The following UGT1A10 variants were observed in gnomAD, a reference collection of about 807,000 sequenced individuals.
UGT1A10 encodes UDP-glucuronosyltransferase 1A10.
Under a neutral mutation model 45.8 loss-of-function variants are expected in UGT1A10, and 49 were observed. That is an observed-to-expected ratio of 1.07 (90% confidence interval 0.85 to 1.36). The LOEUF is 1.36. UGT1A10 is among the 40% of genes most tolerant of loss of function. UGT1A10 has a pLI of 0.00. For missense variants in UGT1A10, 745 were observed against 668.6 expected (o/e 1.11, Z -1.26); for synonymous variants, 284 against 249.7 (o/e 1.14, Z -1.29).
intron 1 of UGT1A10, chr2:233,671,848 G>C: frequency 6.7e-7 from 1 of 1,497,628 alleles, no homozygotes; most frequent in Non-Finnish European, 8.9e-7. Context: ...CCTCTATTGG[G>C]GTCAGGTTTT....
rs777025300 is a variant in UGT1A10, at chr2:233,693,162, G to T, written c.855+55785G>T. ...ATAGTTGAGGTTCTCAGTGACCGGG[G>T]TCATGAGATTGTAGTGGTGGTGCCT... On this transcript the variant is annotated intron_variant, in intron 1 of 4. Coordinates refer to ENST00000344644, the MANE Select transcript of UGT1A10 (RefSeq NM_019075.4). The T allele has an allele frequency of 5.0e-6, 8 of 1,614,088 alleles. No homozygotes were observed. In the Admixed American group the frequency reaches 1.3e-4, roughly 27 times the overall value.
intron 1 of UGT1A10, among the ~76,000 whole-genome samples, chr2:233,675,167 T>G (rs1050677154): frequency 3.9e-5 from 6 of 152,132 alleles, no homozygotes; most frequent in African/African-American, 9.7e-5. Context: ...AGGGATGTAA[T>G]TAAATACTTT....
intron 1 of UGT1A10, chr2:233,721,922 G>A: frequency 2.5e-6 from 1 of 400,722 alleles, no homozygotes; most frequent in Non-Finnish European, 5.0e-6. Flanking sequence ...CTTCCATAAA[G>A]TGACATCCTT....
At chr2:233,717,542 C>T (rs539125114) in intron 1 of UGT1A10, among the ~76,000 whole-genome samples, 1 of 152,330 alleles carries the variant, frequency 6.6e-6, no homozygotes, top group South Asian at 2.1e-4. Flanking sequence ...AAGCCTCAGC[C>T]TCACCAGCAA....
rs774409308 is a variant in UGT1A10, at chr2:233,719,538, CAG to C, written c.856-47489_856-47488del. 13 of 1,613,912 alleles carry C rather than the reference CAG, an allele frequency of 8.1e-6. No individual in the cohort carries two copies. In the South Asian group the frequency reaches 9.9e-5, roughly 12 times the overall value. ...TGCAAGTCTTGCCTCTGAGCTTTTT[CAG>C]AGAGAGGTGTCAGTGGTGGATCTTG... On this transcript the variant is annotated intron_variant, in intron 1 of 4. Coordinates refer to ENST00000344644, the MANE Select transcript of UGT1A10 (RefSeq NM_019075.4).
At chr2:233,743,465 C>A in intron 1 of UGT1A10, 1 of 1,366,596 alleles carries the variant, frequency 7.3e-7, no homozygotes. Flanking sequence ...AAAACACCCC[C>A]AAAAGCTGGA....
chr2:233,689,898 G>A (rs989721018), intron 1 of UGT1A10: 8 of 456,472 alleles, frequency 1.8e-5, no homozygotes, highest in African/African-American at 1.6e-4. Context: ...TTATTTCTCA[G>A]GGCCAGGTAG....
chr2:233,640,519 A>C (rs537589093), intron 1 of UGT1A10, among the ~76,000 whole-genome samples: 1 of 152,298 alleles, frequency 6.6e-6, no homozygotes, highest in East Asian at 1.9e-4. Context: ...TGCCTCATAC[A>C]ACATCTTTTT....
At chr2:233,665,641 A>G (rs1254670988) in intron 1 of UGT1A10, among the ~76,000 whole-genome samples, 1 of 152,368 alleles carries the variant, frequency 6.6e-6, no homozygotes, top group East Asian at 1.9e-4. Context: ...CTGAGGTCTA[A>G]GGGCAGGCCC....
chr2:233,674,457 C>A (rs1297028136), intron 1 of UGT1A10, among the ~76,000 whole-genome samples: 1 of 152,120 alleles, frequency 6.6e-6, no homozygotes, highest in African/African-American at 2.4e-5. Context: ...CACCCCACAA[C>A]CTTTGGCTGA....
rs74792728 is a variant in UGT1A10 at position 233,697,391 on chromosome 2, T to A, written c.855+60014T>A. Among the ~76,000 whole-genome samples the A allele has an allele frequency of 6.1e-3, 934 of 152,218 alleles. 11 individuals carry two copies. Among genetic ancestry groups the A allele is most frequent in the African/African-American group, 0.021 (887 of 41,568 alleles). ...TAGAGTTCACAATAATCGCTAATGA[T>A]CCTTTGTATTTCTGTGGTGTCAGTT... is the stretch of plus-strand genomic sequence containing the variant. On this transcript the variant is annotated intron_variant, in intron 1 of 4. Coordinates refer to ENST00000344644, the MANE Select transcript of UGT1A10 (RefSeq NM_019075.4).
At chr2:233,645,419 T>C (rs1450668791) in intron 1 of UGT1A10, among the ~76,000 whole-genome samples, 1 of 152,160 alleles carries the variant, frequency 6.6e-6, no homozygotes, top group Non-Finnish European at 1.5e-5. Context: ...CCGCAAAGTC[T>C]CAGCATTAAC....
chr2:233,679,950 T>C (rs1470345230), intron 1 of UGT1A10, among the ~76,000 whole-genome samples: 1 of 152,198 alleles, frequency 6.6e-6, no homozygotes, highest in Non-Finnish European at 1.5e-5. Context: ...ATGCGAGGTT[T>C]GGCTCCTGCT....
At position 233,768,234 on chromosome 2, in the gene UGT1A10, C is replaced by T. The variant is rs55750087; in HGVS notation, c.1090C>T (p.Arg364Cys). 85 of 1,614,044 alleles carry T rather than the reference C, an allele frequency of 5.3e-5. No homozygotes were observed. The highest frequency in any genetic ancestry group is 3.3e-4 in the Middle Eastern group (2 of 6,084). Residue 364 changes from arginine to cysteine, a missense_variant, in exon 4 of 5, where the codon CGT becomes TGT. Arg to Cys is a radical substitution (Grantham distance 180). Transcript: ENST00000344644. Reference sequence around the variant, plus strand: ...TTGCATCTCAGGTCACCCGATGACCCGTGCCTTTATCACCCATGCTGGTTC... The same window carrying T: ...TTGCATCTCAGGTCACCCGATGACCTGTGCCTTTATCACCCATGCTGGTTC... ...QNDLLGHPMT[R>C]AFITHAGSHG...
chr2:233,713,745 G>C, intron 1 of UGT1A10: 1 of 1,613,988 alleles, frequency 6.2e-7, no homozygotes, highest in African/African-American at 1.3e-5. Flanking sequence ...TGTCAGCCAT[G>C]CATCTGTGTG....
chr2:233,646,020 G>A (rs1385112121), intron 1 of UGT1A10, among the ~76,000 whole-genome samples: 3 of 152,198 alleles, frequency 2.0e-5, no homozygotes, highest in Admixed American at 6.5e-5. Flanking sequence ...TATCCATACA[G>A]CCTCTGAAAT....
intron 1 of UGT1A10, among the ~76,000 whole-genome samples, chr2:233,657,125 C>T (rs1293837131): frequency 6.6e-6 from 1 of 152,186 alleles, no homozygotes; most frequent in Non-Finnish European, 1.5e-5. Flanking sequence ...TTGGCCCACT[C>T]AAGACATTCT....
Position 233,692,705 on chromosome 2 carries a change from A to G in UGT1A10, c.855+55328A>G, listed in dbSNP as rs557358228. On this transcript the variant is annotated intron_variant, in intron 1 of 4. Coordinates refer to ENST00000344644, the MANE Select transcript of UGT1A10 (RefSeq NM_019075.4). ...GGGTCCTCAGGGGTCTCTCCAAGTCATCTTCAAAGTGTTGCTATAACTTTT... is the reference window on the plus strand; with the variant it reads ...GGGTCCTCAGGGGTCTCTCCAAGTCGTCTTCAAAGTGTTGCTATAACTTTT... 462 of 440,436 alleles carry G rather than the reference A, an allele frequency of 1.0e-3. 2 individuals are homozygous for G. Among genetic ancestry groups the G allele is most frequent in the African/African-American group, 9.4e-3 (438 of 46,776 alleles). 27.3% of individuals were successfully genotyped at this position (440,436 alleles called of 1,614,324 possible).
At position 233,772,856 on chromosome 2, in the gene UGT1A10, A is replaced by G; in HGVS notation, c.*297A>G. On this transcript the variant is annotated 3_prime_UTR_variant, in exon 5 of 5. Transcript: ENST00000344644. ...TCTAGATTACTTTTCTTACTCTGAA[A>G]CATGGCCTGTTTGGGAGTGCGGGAT... The G allele has an allele frequency of 2.7e-6, 2 of 727,580 alleles. No individual in the cohort carries two copies. The highest frequency in any genetic ancestry group is 4.2e-5 in the South Asian group (2 of 48,166). The allele number at this position is 727,580 out of a possible 1,614,324, so 45.1% of individuals were successfully genotyped here.
Sources: allele counts gnomAD v4.1 joint callset (sites outside exome capture counted in the v4.1 genomes callset), GRCh38; gene constraint gnomAD v4.1.1; transcripts MANE v1.5; gene names NCBI Gene and HGNC (gene_info 2026-07-23, HGNC 2026-07-21).